Variants in ARFGEF1 observed in about 807,000 individuals in gnomAD.
ARFGEF1 encodes brefeldin A-inhibited guanine nucleotide-exchange protein 1.
ARFGEF1 carries 42 observed loss-of-function variants against 231.0 expected under a neutral mutation model. The ratio of observed to expected loss-of-function variants is 0.18; its 90% CI spans 0.14 to 0.24. The LOEUF (loss-of-function observed/expected upper bound fraction) is 0.24, where lower values mean the gene tolerates loss of function less well. ARFGEF1 is among the 10% of genes least tolerant of loss of function. The probability of loss-of-function intolerance (pLI) is 1.00; values close to 1 mark genes in which losing one functional copy is unlikely to be tolerated. For synonymous variants in ARFGEF1, 710 were observed against 732.3 expected, an observed-to-expected ratio of 0.97 and a Z score of 0.49; for missense variants, 1,345 against 2,192.0, an observed-to-expected ratio of 0.61 and a Z score of 7.72.
At chr8:67,215,870 T>C (rs1838910231) in intron 33 of ARFGEF1, among the ~76,000 whole-genome samples, 1 of 152,188 alleles carries the variant, frequency 6.6e-6, no homozygotes, top group East Asian at 1.9e-4. Flanking sequence ...ATGTTAGAAT[T>C]CTTTGTACTG....
intron 7 of ARFGEF1, among the ~76,000 whole-genome samples, chr8:67,278,269 T>G (rs1008110395): frequency 6.6e-6 from 1 of 152,202 alleles, no homozygotes; most frequent in Non-Finnish European, 1.5e-5. Context: ...GTTTCAATCA[T>G]GTCTTCACCA....
At chr8:67,174,767 G>GAAA (rs370370213), downstream of ARFGEF1, 4 of 98,528 alleles carry the variant, frequency 4.1e-5, no homozygotes, top group South Asian at 3.0e-4. Flanking sequence ...TCCGTCTCAA[G>GAAA]AAAAAAAAAA....
rs569696688 is a variant in ARFGEF1 at position 67,271,961 on chromosome 8, G to C, written c.1338-25C>G. ...CCTAAAATGTAAAAAAGAAGGCATA[G>C]TATATGAACAAGGTTGGCATTATAG... On this transcript the variant is annotated intron_variant, in intron 9 of 38. Coordinates refer to ENST00000262215, the MANE Select transcript of ARFGEF1 (RefSeq NM_006421.5). 5 of 1,459,948 alleles carry C rather than the reference G, an allele frequency of 3.4e-6. No homozygotes were observed. The South Asian group carries it at 6.1e-5, about 18-fold the overall frequency. The allele number at this position is 1,459,948 out of a possible 1,614,324, so 90.4% of individuals were successfully genotyped here.
At chr8:67,291,173 AC>A (rs1805991130) in intron 6 of ARFGEF1, among the ~76,000 whole-genome samples, 1 of 152,200 alleles carries the variant, frequency 6.6e-6, no homozygotes, top group African/African-American at 2.4e-5. Context: ...TGGTAGTTTC[AC>A]AGAACAGCTA....
chr8:67,200,112 G>C, intron 38 of ARFGEF1: 5 of 410,762 alleles, frequency 1.2e-5, no homozygotes, highest in South Asian at 9.6e-5. Context: ...GAGATTCCTG[G>C]GGTCATAATG....
chr8:67,219,881 T>C (rs544287104), intron 29 of ARFGEF1, among the ~76,000 whole-genome samples: 1 of 152,234 alleles, frequency 6.6e-6, no homozygotes, highest in Non-Finnish European at 1.5e-5. Context: ...TTTGAGTGAA[T>C]ATTAATTTTG....
chr8:67,292,246 T>C (rs1042849340), intron 5 of ARFGEF1, 123 bp from the exon 6 acceptor site: 5 of 799,204 alleles, frequency 6.3e-6, no homozygotes, highest in Admixed American at 2.8e-5. Context: ...AATTAAAGTT[T>C]ATCAGAAATG....
Position 67,301,335 on chromosome 8 carries a change from T to G in ARFGEF1, c.201A>C (p.Pro67=), listed in dbSNP as rs1458874680. 1 of 1,614,118 alleles carries G rather than the reference T, an allele frequency of 6.2e-7. No homozygotes were observed. Among genetic ancestry groups the G allele is most frequent in the Admixed American group, 1.7e-5 (1 of 59,994 alleles). The change falls in exon 3 of 39, where the codon CCA becomes CCC. Residue 67 remains proline (P), a synonymous_variant. Transcript: ENST00000262215. ...EAKAGSSTLP[P]VKSKTNFIEA... Reference sequence around the variant, plus strand: ...CAATAAAATTTGTCTTTGATTTCACTGGTGGAAGGGTGCTTGATCCAGCTT... The same window carrying G: ...CAATAAAATTTGTCTTTGATTTCACGGGTGGAAGGGTGCTTGATCCAGCTT...
intron 29 of ARFGEF1, among the ~76,000 whole-genome samples, chr8:67,220,243 C>T (rs1404753646): frequency 6.6e-6 from 1 of 152,204 alleles, no homozygotes; most frequent in African/African-American, 2.4e-5. Context: ...CTTACTGTTT[C>T]TTGAAATAAT....
chr8:67,292,119 T>C lies in ARFGEF1; in HGVS notation c.644A>G (p.Gln215Arg), dbSNP rs745710547. The change falls in exon 6 of 39, where the codon CAG becomes CGG. Residue 215 changes from glutamine (Q) to arginine (R), a missense_variant. Gln to Arg is a conservative substitution (Grantham distance 43, BLOSUM62 1). This residue lies in a region of ARFGEF1 where 398 missense variants were observed against 463.2 expected (regional missense o/e 0.86). Coordinates refer to ENST00000262215, the MANE Select transcript of ARFGEF1 (RefSeq NM_006421.5). ...TTCTTTTTCCATTTGTTTTGCTTCC[T>C]GTAACTGGAAATAAATAAAATTTCC... The part of the protein sequence containing the change: ...IFARMENQAL[Q>R]EAKQMEKERH... The C allele has an allele frequency of 6.2e-7, 1 of 1,607,298 alleles. No individual in the cohort carries two copies.
chr8:67,270,164 C>CGGCAA (rs1211584794), intron 10 of ARFGEF1, among the ~76,000 whole-genome samples: 2 of 152,090 alleles, frequency 1.3e-5, no homozygotes, highest in African/African-American at 4.8e-5. Flanking sequence ...TATCTAAAAA[C>CGGCAA]GGCAACTCTT....
chr8:67,300,660 CAAAAAAA>C (rs200434355), intron 3 of ARFGEF1, among the ~76,000 whole-genome samples: 17 of 88,664 alleles, frequency 1.9e-4, no homozygotes, highest in East Asian at 6.2e-4. Context: ...CTTGTCTCTT[CAAAAAAA>C]AAAAAAAAAA....
At chr8:67,306,885 C>T (rs1806771891) in intron 1 of ARFGEF1, among the ~76,000 whole-genome samples, 2 of 152,218 alleles carry the variant, frequency 1.3e-5, no homozygotes, top group Non-Finnish European at 2.9e-5. Flanking sequence ...TCAAGCAATT[C>T]TCCTGCCTCA....
At chr8:67,258,818 TACACACAC>T (rs10576509) in intron 15 of ARFGEF1, among the ~76,000 whole-genome samples, 15 of 142,934 alleles carry the variant, frequency 1.0e-4, no homozygotes, top group African/African-American at 2.9e-4. Flanking sequence ...AAGCAGATTT[TACACACAC>T]ACACACACAC....
At chr8:67,337,553 G>A (rs909539672) in intron 1 of ARFGEF1, among the ~76,000 whole-genome samples, 17 of 151,632 alleles carry the variant, frequency 1.1e-4, no homozygotes, top group Non-Finnish European at 2.4e-4. Flanking sequence ...TCCCAAATCT[G>A]CCCACCCCCT....
At chr8:67,227,033 AAC>A (rs1343636476) in intron 27 of ARFGEF1, 102 bp downstream of exon 27, 7 of 1,057,442 alleles carry the variant, frequency 6.6e-6, no homozygotes, top group African/African-American at 3.2e-5. Context: ...AAGCTTGGTA[AAC>A]TTAAAGGCCA....
intron 10 of ARFGEF1, among the ~76,000 whole-genome samples, chr8:67,269,740 G>T (rs1488400551): frequency 6.6e-6 from 1 of 152,014 alleles, no homozygotes; most frequent in Non-Finnish European, 1.5e-5. Context: ...CCCCCTGAGG[G>T]ACAATAAGGA....
At chr8:67,239,024 T>G in intron 20 of ARFGEF1, 131 bp from the exon 21 acceptor site, 1 of 740,376 alleles carries the variant, frequency 1.4e-6, no homozygotes, top group East Asian at 3.1e-5. Context: ...TATTAATTTT[T>G]GAGACAGAGT....
At chr8:67,179,672 G>A (rs1466635430) in intron 5 of ARFGEF1, among the ~76,000 whole-genome samples, 5 of 152,148 alleles carry the variant, frequency 3.3e-5, no homozygotes, top group African/African-American at 7.2e-5. Context: ...TGCTATCACC[G>A]TCTTCGTAGG....
Sources: gnomAD v4.1 joint callset for allele counts (sites outside exome capture counted in the v4.1 genomes callset) on GRCh38, gnomAD v4.1.1 for gene constraint, gnomAD v4.1.1 regional missense constraint, MANE v1.5 for transcripts, NCBI Gene and HGNC (gene_info 2026-07-23, HGNC 2026-07-21) for gene names.